The following ADCY10 variants were observed in gnomAD, a reference collection of about 807,000 sequenced individuals.
ADCY10 encodes adenylate cyclase type 10.
A neutral mutation model predicts 183.3 loss-of-function variants in ADCY10; 156 were observed. The observed-to-expected ratio is 0.85, with a 90% CI of 0.75 to 0.97. ADCY10 has a LOEUF of 0.97. Ranked by LOEUF, ADCY10 falls within the 50% of genes least tolerant of loss-of-function variation. The pLI is 0.00. For missense variants in ADCY10, 1,745 were observed against 1,934.3 expected, an observed-to-expected ratio of 0.90 and a Z score of 1.84; for synonymous variants, 645 against 670.0, an observed-to-expected ratio of 0.96 and a Z score of 0.58.
intron 13 of ADCY10, among the ~76,000 whole-genome samples, chr1:167,874,711 A>G (rs1667332775): frequency 6.6e-6 from 1 of 152,226 alleles, no homozygotes; most frequent in Non-Finnish European, 1.5e-5. Flanking sequence ...ACTGGAAATA[A>G]CCCAAATGTT....
chr1:167,903,773 A>G (rs982794577), intron 3 of ADCY10, 114 bp downstream of exon 3: 2 of 765,780 alleles, frequency 2.6e-6, no homozygotes, highest in South Asian at 2.9e-5. Context: ...TACACATTTC[A>G]TGGGGAAGAG....
At position 167,896,683 on chromosome 1, in the gene ADCY10, G is replaced by T. The variant is rs182832526; in HGVS notation, c.651C>A (p.Phe217Leu). ...VPDQRAVKVN[F>L]LKPPPNFNFD... Reference sequence around the variant, plus strand: ...AATTAAAATTGGGGGGTGGTTTTAAGAAGTTAACCTAAATAAAAGCAAATG... The same window carrying T: ...AATTAAAATTGGGGGGTGGTTTTAATAAGTTAACCTAAATAAAAGCAAATG... Residue 217 changes from phenylalanine to leucine, a missense_variant, in exon 7 of 33, where the codon TTC becomes TTA. Transcript: ENST00000367851. The T allele has an allele frequency of 1.0e-4, 163 of 1,604,846 alleles. 1 individual carries two copies. In the East Asian group the frequency reaches 3.4e-3, roughly 33 times the overall value.
At chr1:167,845,042 C>T (rs1338895234) in intron 21 of ADCY10, among the ~76,000 whole-genome samples, 1 of 152,170 alleles carries the variant, frequency 6.6e-6, no homozygotes, top group African/African-American at 2.4e-5. Flanking sequence ...TGGCTTGTAA[C>T]TTTTTAACTT....
intron 8 of ADCY10, 106 bp from the exon 9 acceptor site, chr1:167,883,734 G>T: frequency 2.0e-6 from 2 of 998,944 alleles, no homozygotes; most frequent in African/African-American, 1.6e-5. Flanking sequence ...GTCTACCTCA[G>T]AATGGGTGAG....
chr1:167,817,694 A>G (rs531255411), intron 31 of ADCY10, among the ~76,000 whole-genome samples: 1 of 152,346 alleles, frequency 6.6e-6, no homozygotes, highest in Admixed American at 6.5e-5. Context: ...AGTTCTATCC[A>G]ATAATAATTA....
At chr1:167,869,278 A>T (rs1302857133) in intron 14 of ADCY10, among the ~76,000 whole-genome samples, 1 of 152,200 alleles carries the variant, frequency 6.6e-6, no homozygotes, top group Non-Finnish European at 1.5e-5. Flanking sequence ...AATGATAAAA[A>T]GCTTCATTGC....
chr1:167,883,777 G>A, intron 8 of ADCY10, 149 bp from the exon 9 acceptor site: 1 of 756,728 alleles, frequency 1.3e-6, no homozygotes, highest in Non-Finnish European at 2.3e-6. Context: ...TGCCTGAAGT[G>A]GAGCAGATGG....
intron 6 of ADCY10, 61 bp downstream of exon 6, chr1:167,899,362 T>C: frequency 1.3e-6 from 2 of 1,544,888 alleles, no homozygotes; most frequent in East Asian, 4.5e-5. Flanking sequence ...GTGACTCTTC[T>C]GGCAGGGGGC....
At position 167,822,992 on chromosome 1, in the gene ADCY10, C is replaced by A. The variant is rs955338189; in HGVS notation, c.4168+16G>T. ...CAACACCCCCAAGTTCTTTTACATC[C>A]CAAACCCACACTTACCAGAATAAAG... is the stretch of plus-strand genomic sequence containing the variant. On this transcript the variant is annotated intron_variant, in intron 29 of 32. Coordinates refer to ENST00000367851, the MANE Select transcript of ADCY10 (RefSeq NM_018417.6). 6.8e-6 allele frequency: 11 copies of A among 1,611,854 alleles called. No individual in the cohort carries two copies. In the Middle Eastern group the frequency reaches 5.0e-4, roughly 73 times the overall value.
chr1:167,902,237 G>T (rs1669483276), intron 3 of ADCY10, among the ~76,000 whole-genome samples, 183 bp from the exon 4 acceptor site: 1 of 152,208 alleles, frequency 6.6e-6, no homozygotes, highest in African/African-American at 2.4e-5. Flanking sequence ...CTCAAGTGGA[G>T]AATGAGTACG....
At chr1:167,875,982 C>T (rs1332658164) in intron 12 of ADCY10, among the ~76,000 whole-genome samples, 1 of 152,002 alleles carries the variant, frequency 6.6e-6, no homozygotes, top group Non-Finnish European at 1.5e-5. Flanking sequence ...ACTGGCCAGG[C>T]ACGGTGGCTC....
chr1:167,901,751 A>G lies in ADCY10; in HGVS notation c.347T>C (p.Ile116Thr). Residue 116 changes from isoleucine (I) to threonine (T), a missense_variant, in exon 5 of 33, where the codon ATC becomes ACC. Ile to Thr is a moderately conservative substitution (Grantham distance 89). Coordinates refer to ENST00000367851, the MANE Select transcript of ADCY10 (RefSeq NM_018417.6). ...RVERKQLKNI[I>T]TVVIKCSLEI... ...CAGGCTACATTTAATTACCACTGTG[A>G]TAATGTTTTTCAGCTGCTTTCGCTC... 1.2e-6 allele frequency: 2 copies of G among 1,614,176 alleles called. No homozygotes were observed. The highest frequency in any genetic ancestry group is 1.7e-6 in the Non-Finnish European group (2 of 1,180,030).
At chr1:167,851,717 G>A (rs1446377540) in intron 18 of ADCY10, among the ~76,000 whole-genome samples, 1 of 151,848 alleles carries the variant, frequency 6.6e-6, no homozygotes, top group African/African-American at 2.4e-5. Context: ...CCAGATACTC[G>A]GGAGGCTGAG....
intron 30 of ADCY10, chr1:167,819,936 C>G: frequency 8.8e-7 from 1 of 1,132,356 alleles, no homozygotes; most frequent in Non-Finnish European, 1.3e-6. Context: ...TCCAGGCCAT[C>G]AACTTCATCT....
At chr1:167,859,738 AACC>A (rs1666156801) in intron 16 of ADCY10, 66 bp downstream of exon 16, 1 of 1,232,560 alleles carries the variant, frequency 8.1e-7, no homozygotes, top group Non-Finnish European at 1.2e-6. Context: ...GAACTCCTCA[AACC>A]ACCTGGCTTT....
chr1:167,891,701 C>T (rs1341222524), intron 8 of ADCY10, among the ~76,000 whole-genome samples: 1 of 151,466 alleles, frequency 6.6e-6, no homozygotes, highest in Non-Finnish European at 1.5e-5. Flanking sequence ...CCAAATTATC[C>T]CTGCCAATCA....
At chr1:167,866,404 T>C (rs1174469904) in intron 14 of ADCY10, among the ~76,000 whole-genome samples, 2 of 151,916 alleles carry the variant, frequency 1.3e-5, no homozygotes, top group South Asian at 2.1e-4. Context: ...TTAATAAAAA[T>C]GTAAATTAGA....
intron 2 of ADCY10, among the ~76,000 whole-genome samples, chr1:167,904,213 G>C (rs1040469623): frequency 6.6e-6 from 1 of 150,586 alleles, no homozygotes; most frequent in South Asian, 2.1e-4. Flanking sequence ...TCAGCCTTCC[G>C]AGCAGCTGGG....
intron 5 of ADCY10, among the ~76,000 whole-genome samples, chr1:167,900,213 A>T (rs1669296605): frequency 1.3e-5 from 2 of 152,232 alleles, no homozygotes; most frequent in Admixed American, 6.5e-5. Context: ...TGTAAGTGAC[A>T]CACATTTCTT....
Sources: allele counts gnomAD v4.1 joint callset (sites outside exome capture counted in the v4.1 genomes callset), GRCh38; gene constraint gnomAD v4.1.1; transcripts MANE v1.5; gene names NCBI Gene and HGNC (gene_info 2026-07-23, HGNC 2026-07-21).